The following GPAT4 variants were observed in gnomAD, a reference collection of about 807,000 sequenced individuals.
GPAT4 encodes 1-AGP acyltransferase 6.
In GPAT4, 17 loss-of-function variants were observed where a neutral mutation model predicts 58.0. The observed-to-expected ratio is 0.29, with a 90% CI of 0.20 to 0.44. The LOEUF (loss-of-function observed/expected upper bound fraction) is 0.44. GPAT4 is among the 20% of genes least tolerant of loss of function. The probability of loss-of-function intolerance (pLI) is 1.00; values close to 1 mark genes in which losing one functional copy is unlikely to be tolerated. For synonymous variants in GPAT4, 204 were observed against 210.1 expected (o/e 0.97, Z 0.25); for missense variants, 377 against 574.5 (o/e 0.66, Z 3.51).
At chr8:41,580,327 G>C (rs1227485041) in intron 1 of GPAT4, among the ~76,000 whole-genome samples, 1 of 152,172 alleles carries the variant, frequency 6.6e-6, no homozygotes, top group Non-Finnish European at 1.5e-5. Context: ...AGGGAAACCA[G>C]AATGACTTAA....
At chr8:41,579,245 A>T (rs1802444216) in intron 1 of GPAT4, among the ~76,000 whole-genome samples, 1 of 152,194 alleles carries the variant, frequency 6.6e-6, no homozygotes, top group Admixed American at 6.5e-5. Context: ...GACACAGGGA[A>T]ATAGATGGAA....
intron 1 of GPAT4, among the ~76,000 whole-genome samples, chr8:41,584,603 T>C (rs937549777): frequency 6.6e-6 from 1 of 152,204 alleles, no homozygotes; most frequent in Admixed American, 6.5e-5. Flanking sequence ...TGCTTCTAAT[T>C]ACATATGCAG....
rs191903581 is a variant in GPAT4, at chr8:41,605,697, C to T, written c.166-3719C>T. On this transcript the variant is annotated intron_variant, in intron 2 of 12. Transcript: ENST00000396987. ...TCAAGTGATTCTCCTGCCTCAGCCC[C>T]GAGTAGTTGGGGTTACAGGCCTGTG... is the stretch of plus-strand genomic sequence containing the variant. Among the ~76,000 whole-genome samples, 584 of 152,230 alleles carry T rather than the reference C, an allele frequency of 3.8e-3. 1 individual carries two copies. The highest frequency in any genetic ancestry group is 0.034 in the Middle Eastern group (10 of 294).
At position 41,596,154 on chromosome 8, in the gene GPAT4, C is replaced by A. The variant is rs563913701; in HGVS notation, c.-848-2138C>A. ...TGGTATCATAGTAATGCCGTAATCT[C>A]CCTTCAGTCCTTTCTTGAAAATTTT... is the stretch of plus-strand genomic sequence containing the variant. On this transcript the variant is annotated intron_variant, in intron 1 of 12. Coordinates refer to ENST00000396987, the MANE Select transcript of GPAT4 (RefSeq NM_178819.4). 1.1e-4 allele frequency among the ~76,000 whole-genome samples: 16 copies of A among 152,258 alleles called. 1 individual carries two copies. In the South Asian group the frequency reaches 3.1e-3, roughly 30 times the overall value.
At chr8:41,602,036 C>T (rs1803115563) in intron 2 of GPAT4, among the ~76,000 whole-genome samples, 1 of 152,192 alleles carries the variant, frequency 6.6e-6, no homozygotes, top group Non-Finnish European at 1.5e-5. Context: ...CCCACTGCAG[C>T]CTCCTCGTCC....
In GPAT4 at chr8:41,620,806, G is replaced by A. The variant is rs148765317; in HGVS notation, c.1263-87G>A. On this transcript the variant is annotated intron_variant, in intron 12 of 12. Coordinates refer to ENST00000396987, the MANE Select transcript of GPAT4 (RefSeq NM_178819.4). Reference sequence around the variant, plus strand: ...CTGTTTCTGGCAGGTTTTTCTTGGTGTTTGGGCAGCATGGTGCATCTCCCA... The same window carrying A: ...CTGTTTCTGGCAGGTTTTTCTTGGTATTTGGGCAGCATGGTGCATCTCCCA... 3.9e-5 allele frequency: 59 copies of A among 1,519,582 alleles called. No individual in the cohort carries two copies. The African/African-American group carries it at 7.7e-4, about 20-fold the overall frequency. 94.1% of individuals were successfully genotyped at this position (1,519,582 alleles called of 1,614,324 possible).
intron 1 of GPAT4, among the ~76,000 whole-genome samples, chr8:41,590,674 C>T (rs1186757480): frequency 2.0e-5 from 3 of 152,150 alleles, no homozygotes; most frequent in African/African-American, 7.2e-5. Flanking sequence ...ATCGCAGTGA[C>T]AGTGTGAAAG....
intron 8 of GPAT4, 21 bp downstream of exon 8, chr8:41,612,981 G>C: frequency 6.2e-7 from 1 of 1,605,520 alleles, no homozygotes; most frequent in South Asian, 1.1e-5. Context: ...GAACACTGCT[G>C]TTCTGCTTGG....
At position 41,624,373 on chromosome 8, in the gene GPAT4, ACCC is replaced by A. The variant is rs1333300468; in HGVS notation, c.*3373_*3375del. The A allele has an allele frequency of 6.6e-6, 1 of 152,108 alleles. No homozygotes were observed. Among genetic ancestry groups the A allele is most frequent in the East Asian group, 1.9e-4 (1 of 5,160 alleles). The allele number at this position is 152,108 out of a possible 1,614,324, so 9.4% of individuals were successfully genotyped here. Reference sequence around the variant, plus strand: ...ACGGCACAGCAAACAGTGGGCACTAACCCTGTTGTCCTGTGGAAATCTGGGTCT... The same window carrying A: ...ACGGCACAGCAAACAGTGGGCACTAATGTTGTCCTGTGGAAATCTGGGTCT... On this transcript the variant is annotated 3_prime_UTR_variant, in exon 13 of 13. Coordinates refer to ENST00000396987, the MANE Select transcript of GPAT4 (RefSeq NM_178819.4).
rs1803376046 is a variant in GPAT4, at chr8:41,609,455, A to C, written c.205A>C (p.Asn69His). Residue 69 changes from asparagine to histidine, a missense_variant, in exon 3 of 13, where the codon AAC (asparagine) becomes CAC (histidine). Physicochemically the swap from Asn to His is moderately conservative, Grantham distance 68. Coordinates refer to ENST00000396987, the MANE Select transcript of GPAT4 (RefSeq NM_178819.4). ...LRMERGAKEK[N>H]HQLYKPYTNG... ...AATGGAGCGAGGAGCCAAGGAGAAG[A>C]ACCACCAGCTTTACAAGCCCTACAC... is the stretch of plus-strand genomic sequence containing the variant. 6.2e-7 allele frequency: 1 copy of C among 1,614,108 alleles called. No individual in the cohort carries two copies. The highest frequency in any genetic ancestry group is 1.3e-5 in the African/African-American group (1 of 75,016).
chr8:41,579,090 T>A (rs894370474), intron 1 of GPAT4, among the ~76,000 whole-genome samples: 1 of 152,244 alleles, frequency 6.6e-6, no homozygotes, highest in Non-Finnish European at 1.5e-5. Flanking sequence ...TCTATCTCAA[T>A]CCAAGGGAAA....
chr8:41,610,320 A>G lies in GPAT4; in HGVS notation c.536+365A>G, dbSNP rs1021374620. 4.1e-6 allele frequency: 5 copies of G among 1,219,204 alleles called. No homozygotes were observed. In the African/African-American group the frequency reaches 4.6e-5, roughly 11 times the overall value. 75.5% of individuals were successfully genotyped at this position (1,219,204 alleles called of 1,614,324 possible). ...ATTGATCTTTCAGCTTCTCTGCACC[A>G]TGTGCTGCTCTGAGTGTGCCTTGCC... On this transcript the variant is annotated intron_variant, in intron 4 of 12. Coordinates refer to ENST00000396987, the MANE Select transcript of GPAT4 (RefSeq NM_178819.4).
intron 2 of GPAT4, among the ~76,000 whole-genome samples, chr8:41,600,913 C>T (rs1290156391): frequency 1.3e-5 from 2 of 152,044 alleles, no homozygotes; most frequent in African/African-American, 2.4e-5. Context: ...TCATCAGCAT[C>T]GTAGCACGTG....
chr8:41,619,026 G>T (rs576278321), intron 12 of GPAT4, 49 bp downstream of exon 12: 1 of 1,596,030 alleles, frequency 6.3e-7, no homozygotes, highest in East Asian at 2.2e-5. Flanking sequence ...AGCAGATGCT[G>T]TGTCATTGAC....
intron 1 of GPAT4, among the ~76,000 whole-genome samples, chr8:41,590,331 C>T (rs1802758026): frequency 6.6e-6 from 1 of 152,238 alleles, no homozygotes; most frequent in Non-Finnish European, 1.5e-5. Context: ...AGGTGATCCA[C>T]CTGCCTCAGC....
At position 41,615,061 on chromosome 8, in the gene GPAT4, C is replaced by T. The variant is rs774249192; in HGVS notation, c.1053+13C>T. ...TGTTGCTATCAAGGTATAAGACCTC[C>T]GATGGTACACACTGTCATTACTGGA... On this transcript the variant is annotated intron_variant, in intron 10 of 12. Coordinates refer to ENST00000396987, the MANE Select transcript of GPAT4 (RefSeq NM_178819.4). 14 of 1,600,528 alleles carry T rather than the reference C, an allele frequency of 8.7e-6. No individual in the cohort carries two copies. The highest frequency in any genetic ancestry group is 5.0e-5 in the Admixed American group (3 of 59,936).
At chr8:41,579,339 C>G (rs917263621) in intron 1 of GPAT4, among the ~76,000 whole-genome samples, 1 of 152,172 alleles carries the variant, frequency 6.6e-6, no homozygotes, top group Non-Finnish European at 1.5e-5. Context: ...CACCCATTTC[C>G]CCTCCCGTAT....
In GPAT4 at chr8:41,620,287, G is replaced by A. The variant is rs372937885; in HGVS notation, c.1263-606G>A. ...TGGGACTGTAATGAAACAATCCCAA[G>A]TCTGGTGGGTTGGTTTGGGGCTGCT... On this transcript the variant is annotated intron_variant, in intron 12 of 12. Transcript: ENST00000396987. 3.0e-3 allele frequency among the ~76,000 whole-genome samples: 453 copies of A among 151,280 alleles called. 1 individual carries two copies. Among genetic ancestry groups the A allele is most frequent in the African/African-American group, 0.011 (433 of 41,158 alleles).
chr8:41,584,261 G>A (rs996129151), intron 1 of GPAT4, among the ~76,000 whole-genome samples: 3 of 152,118 alleles, frequency 2.0e-5, no homozygotes, highest in African/African-American at 4.8e-5. Context: ...ACTTCCCTAC[G>A]CTGCTAGTGG....
Sources: gnomAD v4.1 joint callset for allele counts (sites outside exome capture counted in the v4.1 genomes callset) on GRCh38, gnomAD v4.1.1 for gene constraint, MANE v1.5 for transcripts, NCBI Gene and HGNC (gene_info 2026-07-23, HGNC 2026-07-21) for gene names.